Variants in STX11 observed in about 807,000 individuals in gnomAD.
STX11 encodes the protein syntaxin-11.
In STX11, 21 loss-of-function variants were observed where a neutral mutation model predicts 19.9. The ratio of observed to expected loss-of-function variants is 1.06; its 90% confidence interval spans 0.75 to 1.52. The LOEUF is 1.52. Ranked by LOEUF, STX11 falls within the 40% of genes most tolerant of loss-of-function variation. The pLI is 0.00. For missense variants in STX11, 438 were observed against 405.9 expected, an observed-to-expected ratio of 1.08 and a Z score of -0.68; for synonymous variants, 193 against 174.4, an observed-to-expected ratio of 1.11 and a Z score of -0.84.
rs1481111992 is a variant in STX11, at chr6:144,153,378, C to G, written c.-6+2675C>G. Among the ~76,000 whole-genome samples, 1 of 152,104 alleles carries G rather than the reference C, an allele frequency of 6.6e-6. No homozygotes were observed. The highest frequency in any genetic ancestry group is 1.9e-4 in the East Asian group (1 of 5,200). On this transcript the variant is annotated intron_variant, in intron 1 of 1. Coordinates refer to ENST00000367568, the MANE Select transcript of STX11 (RefSeq NM_003764.4). The surrounding 1 kb of genome is among the most constrained non-coding windows in gnomAD (Gnocchi z 5.0). The stretch of plus-strand genomic sequence containing the variant: ...ACCTTCACGTAGGAGGATGAATTGT[C>G]AGGCAAGTGGAATTGTCTGCTGTAG...
At position 144,167,579 on chromosome 6, in the gene STX11, T is replaced by C. The variant is rs1173110496; in HGVS notation, c.-6+16876T>C. ...CATCATTCCTGACTCTGAATTTACA[T>C]GCTGCTGATAAGCAATCACTTCTCC... On this transcript the variant is annotated intron_variant, in intron 1 of 1. Coordinates refer to ENST00000367568, the MANE Select transcript of STX11 (RefSeq NM_003764.4). The surrounding 1 kb of genome is among the most constrained non-coding windows in gnomAD (Gnocchi z 5.0). Among the ~76,000 whole-genome samples the C allele has an allele frequency of 1.3e-5, 2 of 152,240 alleles. No homozygotes were observed. The highest frequency in any genetic ancestry group is 2.4e-5 in the African/African-American group (1 of 41,464).
At chr6:144,185,470 A>G (rs551010754) in intron 1 of STX11, among the ~76,000 whole-genome samples, 1 of 152,350 alleles carries the variant, frequency 6.6e-6, no homozygotes, top group East Asian at 1.9e-4. Flanking sequence ...CATGCTACTA[A>G]AAATGAAAGT....
Position 144,169,575 on chromosome 6 carries a change from G to T in STX11, c.-5-17048G>T, listed in dbSNP as rs1801571921. Among the ~76,000 whole-genome samples the T allele has an allele frequency of 1.3e-5, 2 of 152,044 alleles. No individual in the cohort carries two copies. The highest frequency in any genetic ancestry group is 1.3e-4 in the Admixed American group (2 of 15,266). ...TGATGGATCCACCCTTTCAATACAT[G>T]ATCAAGATCTTCATTTCTAGCTTTA... On this transcript the variant is annotated intron_variant, in intron 1 of 1. Transcript: ENST00000367568. The surrounding 1 kb of genome is among the most constrained non-coding windows in gnomAD (Gnocchi z 5.2).
At position 144,183,409 on chromosome 6, in the gene STX11, A is replaced by G. The variant is rs902700370; in HGVS notation, c.-5-3214A>G. 3.3e-5 allele frequency among the ~76,000 whole-genome samples: 5 copies of G among 152,234 alleles called. No individual in the cohort carries two copies. Among genetic ancestry groups the G allele is most frequent in the Admixed American group, 1.3e-4 (2 of 15,284 alleles). Reference sequence around the variant, plus strand: ...ACAAGGTGGTGATGAAAATATTTTGAGCAATGAGTTTCATACACTTTTGCA... The same window carrying G: ...ACAAGGTGGTGATGAAAATATTTTGGGCAATGAGTTTCATACACTTTTGCA... On this transcript the variant is annotated intron_variant, in intron 1 of 1. Coordinates refer to ENST00000367568, the MANE Select transcript of STX11 (RefSeq NM_003764.4). The surrounding 1 kb of genome is among the most constrained non-coding windows in gnomAD (Gnocchi z 4.6).
At position 144,186,917 on chromosome 6, in the gene STX11, G is replaced by A. The variant is rs760894653; in HGVS notation, c.290G>A (p.Gly97Asp). Residue 97 changes from glycine (G) to aspartate (D), a missense_variant, in exon 2 of 2, where the codon GGC (glycine) becomes GAC (aspartate). Coordinates refer to ENST00000367568, the MANE Select transcript of STX11 (RefSeq NM_003764.4). ...ATCGCCAAGGCCATCAAGGCCCGGGGCGAGGTCATCCACTGCAAGCTGCGC... is the reference window on the plus strand; with the variant it reads ...ATCGCCAAGGCCATCAAGGCCCGGGACGAGGTCATCCACTGCAAGCTGCGC... ...NSIAKAIKAR[G>D]EVIHCKLRAM... The A allele has an allele frequency of 2.5e-6, 4 of 1,610,722 alleles. No individual in the cohort carries two copies. The highest frequency in any genetic ancestry group is 2.5e-6 in the Non-Finnish European group (3 of 1,179,994).
rs1801795609 is a variant in STX11 at position 144,177,089 on chromosome 6, C to A, written c.-5-9534C>A. ...GAACAGATAAAGGAATGTAAAAATT[C>A]TTAACTGGTGTTACGAGTTGGAAAA... is the stretch of plus-strand genomic sequence containing the variant. On this transcript the variant is annotated intron_variant, in intron 1 of 1. Coordinates refer to ENST00000367568, the MANE Select transcript of STX11 (RefSeq NM_003764.4). The surrounding 1 kb of genome is among the most constrained non-coding windows in gnomAD (Gnocchi z 4.4). Among the ~76,000 whole-genome samples, 1 of 152,176 alleles carries A rather than the reference C, an allele frequency of 6.6e-6. No individual in the cohort carries two copies. The highest frequency in any genetic ancestry group is 1.5e-5 in the Non-Finnish European group (1 of 68,032).
chr6:144,178,504 C>CAT (rs1801828707), intron 1 of STX11, among the ~76,000 whole-genome samples: 1 of 152,168 alleles, frequency 6.6e-6, no homozygotes, highest in African/African-American at 2.4e-5. Context: ...ATCAACTGTG[C>CAT]ATATCAAACT....
chr6:144,144,258 T>C, the STX11 span, among the ~76,000 whole-genome samples: 2 of 152,214 alleles, frequency 1.3e-5, no homozygotes, highest in African/African-American at 4.8e-5. Context: ...ACTAGTTTTG[T>C]AAGTCTGCAA....
chr6:144,161,653 C>G (rs1338595778), intron 1 of STX11, among the ~76,000 whole-genome samples: 1 of 152,182 alleles, frequency 6.6e-6, no homozygotes, highest in Non-Finnish European at 1.5e-5. Flanking sequence ...TAGGCATGAG[C>G]CACCGCACCC....
chr6:144,140,074 T>C, the STX11 span, among the ~76,000 whole-genome samples: 1 of 151,324 alleles, frequency 6.6e-6, no homozygotes, highest in East Asian at 1.9e-4. Flanking sequence ...GACAGGAACA[T>C]CCGTCAGCTT....
rs1801359343 is a variant in STX11 at position 144,162,192 on chromosome 6, T to G, written c.-6+11489T>G. On this transcript the variant is annotated intron_variant, in intron 1 of 1. Coordinates refer to ENST00000367568, the MANE Select transcript of STX11 (RefSeq NM_003764.4). This position sits in a 1 kb window ranked among gnomAD's most constrained non-coding sequence, Gnocchi z 4.6. ...AAAGCTTCTGACCAAACCCAACTTG[T>G]TATTACCCCACCATCACGCCCTTTC... Among the ~76,000 whole-genome samples, 1 of 152,220 alleles carries G rather than the reference T, an allele frequency of 6.6e-6. No homozygotes were observed. Among genetic ancestry groups the G allele is most frequent in the Admixed American group, 6.5e-5 (1 of 15,280 alleles).
At chr6:144,149,135 G>A (rs891905437), upstream of STX11, among the ~76,000 whole-genome samples, 9 of 152,120 alleles carry the variant, frequency 5.9e-5, no homozygotes, top group Admixed American at 5.2e-4. This position sits in a 1 kb window ranked among gnomAD's most constrained non-coding sequence, Gnocchi z 5.1. Context: ...AGTGTCTGTC[G>A]GCTTTCTCCA....
In STX11 at chr6:144,156,007, T is replaced by C. The variant is rs971379799; in HGVS notation, c.-6+5304T>C. On this transcript the variant is annotated intron_variant, in intron 1 of 1. Transcript: ENST00000367568. ...CTTTCTTTCTTTCTTTCTTTCTTTCTTTCTTTCTCTCTTTCTCTCCTTCCT... is the reference window on the plus strand; with the variant it reads ...CTTTCTTTCTTTCTTTCTTTCTTTCCTTCTTTCTCTCTTTCTCTCCTTCCT... Among the ~76,000 whole-genome samples, 947 of 119,772 alleles carry C rather than the reference T, an allele frequency of 7.9e-3. 34 individuals are homozygous for C. The highest frequency in any genetic ancestry group is 0.041 in the African/African-American group (834 of 20,136). The allele number at this position is 119,772 out of a possible 152,430, so 78.6% of individuals were successfully genotyped here.
chr6:144,142,743 T>C, the STX11 span, among the ~76,000 whole-genome samples: 1 of 152,124 alleles, frequency 6.6e-6, no homozygotes, highest in Non-Finnish European at 1.5e-5. Context: ...GAAGGTTGTG[T>C]GAGTGGAAAG....
rs139237619 is a variant in STX11, at chr6:144,177,745, G to A, written c.-5-8878G>A. The stretch of plus-strand genomic sequence containing the variant: ...AGCCTGGGTGACAGAGGGAGACTCC[G>A]TCTCAAAAAAAAGAAGAAAGAAAGC... On this transcript the variant is annotated intron_variant, in intron 1 of 1. Coordinates refer to ENST00000367568, the MANE Select transcript of STX11 (RefSeq NM_003764.4). The surrounding 1 kb of genome is among the most constrained non-coding windows in gnomAD (Gnocchi z 4.4). Among the ~76,000 whole-genome samples the A allele has an allele frequency of 0.037, 5,600 of 152,166 alleles. 224 individuals are homozygous for A. Among genetic ancestry groups the A allele is most frequent in the East Asian group, 0.2 (1,057 of 5,182 alleles).
rs1801663526 is a variant in STX11, at chr6:144,172,392, A to AGTGAAACC, written c.-5-14231_-5-14230insGTGAAACC. Reference sequence around the variant, plus strand: ...GAGGCTAGTCTGAGCTTTCTCACATAATGGTTTCAGTGTTCCCAGAGCAGA... The same window carrying AGTGAAACC: ...GAGGCTAGTCTGAGCTTTCTCACATAGTGAAACCATGGTTTCAGTGTTCCCAGAGCAGA... On this transcript the variant is annotated intron_variant, in intron 1 of 1. Transcript: ENST00000367568. The surrounding 1 kb of genome is among the most constrained non-coding windows in gnomAD (Gnocchi z 4.2). 1.3e-5 allele frequency among the ~76,000 whole-genome samples: 2 copies of AGTGAAACC among 152,014 alleles called. No homozygotes were observed. Among genetic ancestry groups the AGTGAAACC allele is most frequent in the Non-Finnish European group, 2.9e-5 (2 of 68,006 alleles).
rs542512914 is a variant in STX11, at chr6:144,190,005, C to T, written c.*2514C>T. 3.9e-5 allele frequency among the ~76,000 whole-genome samples: 6 copies of T among 152,302 alleles called. No homozygotes were observed. Among genetic ancestry groups the T allele is most frequent in the Non-Finnish European group, 8.8e-5 (6 of 68,024 alleles). On this transcript the variant is annotated 3_prime_UTR_variant, in exon 2 of 2. Coordinates refer to ENST00000367568, the MANE Select transcript of STX11 (RefSeq NM_003764.4). ...TTGAACCCATAAAGCATTTTCTTTG[C>T]TTGGAACCATTATAAAAGTAAGTGA...
chr6:144,144,255 T>C, the STX11 span, among the ~76,000 whole-genome samples: 3 of 152,210 alleles, frequency 2.0e-5, no homozygotes, highest in Non-Finnish European at 4.4e-5. Context: ...TTAACTAGTT[T>C]TGTAAGTCTG....
chr6:144,148,857 A>G (rs1800927265), upstream of STX11, among the ~76,000 whole-genome samples: 1 of 152,194 alleles, frequency 6.6e-6, no homozygotes, highest in Non-Finnish European at 1.5e-5. Flanking sequence ...AGCCTCTCAA[A>G]GTGTACGGAT....
Sources: allele counts gnomAD v4.1 joint callset (sites outside exome capture counted in the v4.1 genomes callset), GRCh38; gene constraint gnomAD v4.1.1; non-coding constraint Gnocchi (gnomAD v3.1); transcripts MANE v1.5; gene names NCBI Gene and HGNC (gene_info 2026-07-23, HGNC 2026-07-21).